GNG7: variants seen among roughly 807,000 people sequenced by gnomAD.
The protein encoded by GNG7 is guanine nucleotide-binding protein G(I)/G(S)/G(O) subunit gamma-7.
Under a neutral mutation model 4.0 loss-of-function variants are expected in GNG7, and 1 was observed. The observed-to-expected ratio is 0.25, with a 90% CI of 0.09 to 1.18. The LOEUF is 1.18. GNG7 is among the 50% of genes most tolerant of loss of function. GNG7 has a pLI of 0.50. For missense variants in GNG7, 86 were observed against 91.9 expected (o/e 0.94, Z 0.26); for synonymous variants, 34 against 36.9 (o/e 0.92, Z 0.29).
In GNG7 at chr19:2,535,583, G is replaced by A. The variant is rs79902108; in HGVS notation, c.-37-14858C>T. Among the ~76,000 whole-genome samples, 183 of 152,176 alleles carry A rather than the reference G, an allele frequency of 1.2e-3. 4 individuals are homozygous for A. The East Asian group carries it at 0.028, about 23-fold the overall frequency. On this transcript the variant is annotated intron_variant, in intron 3 of 4. Coordinates refer to ENST00000382159, the MANE Select transcript of GNG7 (RefSeq NM_052847.3). ...GAGACATTTGCTTGGGGCCTGAAGC[G>A]GGGGCTATGCCTGTCTTTGCAGATG...
At position 2,680,571 on chromosome 19, in the gene GNG7, A is replaced by ATT. The variant is rs967188330; in HGVS notation, c.-135+22073_-135+22074dup. On this transcript the variant is annotated intron_variant, in intron 1 of 4. Transcript: ENST00000382159. ...AAATACACTTAACACAAAATTTACA[A>ATT]TTTTTTTTTTTTTTTTTTTTTGAGA... 3.8e-3 allele frequency among the ~76,000 whole-genome samples: 474 copies of ATT among 125,996 alleles called. 8 individuals carry two copies. Among genetic ancestry groups the ATT allele is most frequent in the Non-Finnish European group, 6.1e-3 (364 of 59,456 alleles). The allele number at this position is 125,996 out of a possible 152,430, so 82.7% of individuals were successfully genotyped here.
intron 1 of GNG7, among the ~76,000 whole-genome samples, chr19:2,682,655 CA>C (rs745799326): frequency 0.049 from 3,137 of 63,992 alleles, 27 homozygotes; most frequent in African/African-American, 0.13. Context: ...GACTCCATCT[CA>C]AAAAAAAAAA....
intron 1 of GNG7, among the ~76,000 whole-genome samples, chr19:2,661,290 G>GAA (rs1167587056): frequency 1.1e-4 from 5 of 47,580 alleles, no homozygotes; most frequent in African/African-American, 3.8e-4. Context: ...AAGAAAGAAA[G>GAA]AAAGAAAGAA....
At chr19:2,565,805 G>A (rs1979888230) in intron 2 of GNG7, among the ~76,000 whole-genome samples, 2 of 152,214 alleles carry the variant, frequency 1.3e-5, no homozygotes, top group Non-Finnish European at 2.9e-5. Context: ...CGTCTGCAGA[G>A]TGTAATGTGC....
chr19:2,690,045 G>A (rs1308884048), intron 1 of GNG7, among the ~76,000 whole-genome samples: 3 of 152,068 alleles, frequency 2.0e-5, no homozygotes, highest in East Asian at 1.9e-4. Flanking sequence ...TTCTTTTGGC[G>A]GCGGGTAGAA....
intron 1 of GNG7, among the ~76,000 whole-genome samples, chr19:2,689,799 A>G (rs1243847264): frequency 6.6e-6 from 1 of 152,044 alleles, no homozygotes; most frequent in African/African-American, 2.4e-5. Flanking sequence ...CAGTTTTCCC[A>G]TGCATAAAGC....
chr19:2,622,079 T>A (rs1295798870), intron 2 of GNG7, among the ~76,000 whole-genome samples: 1 of 148,678 alleles, frequency 6.7e-6, no homozygotes, highest in Non-Finnish European at 1.5e-5. Context: ...TCAACTTTTT[T>A]TTTTTTTCTC....
rs71179906 is a variant in GNG7 at position 2,661,302 on chromosome 19, G to GAGAA, written c.-134-15026_-134-15023dup. 7.8e-3 allele frequency among the ~76,000 whole-genome samples: 572 copies of GAGAA among 73,032 alleles called. 18 individuals carry two copies. The highest frequency in any genetic ancestry group is 0.023 in the Admixed American group (153 of 6,546). The allele number at this position is 73,032 out of a possible 152,430, so 47.9% of individuals were successfully genotyped here. ...AGAAAGAAAGAAAGAAAGAAAGAAA[G>GAGAA]AGAAAGAAAGAAAGAAAGAAAGAAA... On this transcript the variant is annotated intron_variant, in intron 1 of 4. Coordinates refer to ENST00000382159, the MANE Select transcript of GNG7 (RefSeq NM_052847.3).
chr19:2,650,186 T>C (rs1283459283), intron 1 of GNG7, among the ~76,000 whole-genome samples: 3 of 100,616 alleles, frequency 3.0e-5, no homozygotes. Flanking sequence ...TAGGAATCTT[T>C]TTTTTTTTTT....
rs1317995985 is a variant in GNG7 at position 2,557,424 on chromosome 19, G to A, written c.-77-2236C>T. Among the ~76,000 whole-genome samples the A allele has an allele frequency of 6.6e-6, 1 of 152,180 alleles. No homozygotes were observed. The highest frequency in any genetic ancestry group is 1.5e-5 in the Non-Finnish European group (1 of 68,018). On this transcript the variant is annotated intron_variant, in intron 2 of 4. Transcript: ENST00000382159. This position sits in a 1 kb window ranked among gnomAD's most constrained non-coding sequence, Gnocchi z 5.1. ...GCCTCCACCCAGCCCTGCATCTGAAGCAAGGTCCTGCTAGTAAACATGCAC... is the reference window on the plus strand; with the variant it reads ...GCCTCCACCCAGCCCTGCATCTGAAACAAGGTCCTGCTAGTAAACATGCAC...
At chr19:2,531,188 C>T (rs1436263237) in intron 3 of GNG7, among the ~76,000 whole-genome samples, 1 of 129,650 alleles carries the variant, frequency 7.7e-6, no homozygotes, top group Non-Finnish European at 1.6e-5. Context: ...TCTTGTAATC[C>T]CAGCTAGTCA....
chr19:2,624,528 C>CAAAAAAAAAAAAAAAAAAGAAAA (rs1981964920), intron 2 of GNG7, among the ~76,000 whole-genome samples: 1 of 62,472 alleles, frequency 1.6e-5, no homozygotes, highest in Non-Finnish European at 3.5e-5. Flanking sequence ...GACTCCGTCT[C>CAAAAAAAAAAAAAAAAAAGAAAA]AAAAAAAAAA....
chr19:2,648,430 A>G (rs541150096), intron 1 of GNG7, among the ~76,000 whole-genome samples: 2 of 152,324 alleles, frequency 1.3e-5, no homozygotes, highest in African/African-American at 2.4e-5. Flanking sequence ...TGGTGACTTC[A>G]TAAGATGCTA....
At chr19:2,649,008 C>T (rs1426766566) in intron 1 of GNG7, among the ~76,000 whole-genome samples, 2 of 151,756 alleles carry the variant, frequency 1.3e-5, no homozygotes, top group Non-Finnish European at 2.9e-5. Context: ...CCTTCCTCAG[C>T]CTCCTGAGGA....
Position 2,634,700 on chromosome 19 carries a change from C to T in GNG7, c.-78+11524G>A, listed in dbSNP as rs982935719. Among the ~76,000 whole-genome samples the T allele has an allele frequency of 3.9e-5, 6 of 152,092 alleles. No homozygotes were observed. The highest frequency in any genetic ancestry group is 8.8e-5 in the Non-Finnish European group (6 of 68,018). On this transcript the variant is annotated intron_variant, in intron 2 of 4. Transcript: ENST00000382159. The surrounding 1 kb of genome is among the most constrained non-coding windows in gnomAD (Gnocchi z 5.3). ...TATCTTGGCAATTCTTTCAGGGGAA[C>T]AACTTGTCCGCGAAAAGAACTGATA...
chr19:2,612,216 G>A (rs1388205433), intron 2 of GNG7, among the ~76,000 whole-genome samples: 1 of 151,954 alleles, frequency 6.6e-6, no homozygotes, highest in Non-Finnish European at 1.5e-5. Flanking sequence ...TTTGGTCTAC[G>A]GTCTCCCCTG....
rs540133018 is a variant in GNG7 at position 2,691,546 on chromosome 19, A to C, written c.-135+11100T>G. ...GCAACAGAGCAAGACTCTGTCTCAAAAAAAATAAAAATTAAAAAAATAATA... is the reference window on the plus strand; with the variant it reads ...GCAACAGAGCAAGACTCTGTCTCAACAAAAATAAAAATTAAAAAAATAATA... On this transcript the variant is annotated intron_variant, in intron 1 of 4. Transcript: ENST00000382159. Among the ~76,000 whole-genome samples, 3 of 151,884 alleles carry C rather than the reference A, an allele frequency of 2.0e-5. No homozygotes were observed. In the South Asian group the frequency reaches 6.2e-4, roughly 32 times the overall value.
chr19:2,625,239 T>C (rs576729612), intron 2 of GNG7, among the ~76,000 whole-genome samples: 61 of 152,280 alleles, frequency 4.0e-4, no homozygotes, highest in Non-Finnish European at 6.8e-4. Flanking sequence ...CGGCTAATTT[T>C]TAAAAATTTT....
chr19:2,531,942 G>A (rs961044072), intron 3 of GNG7, among the ~76,000 whole-genome samples: 25 of 151,768 alleles, frequency 1.6e-4, no homozygotes, highest in Non-Finnish European at 3.5e-4. Context: ...ATGAGGTCAG[G>A]AGATCAAGAC....
Sources: allele counts gnomAD v4.1 joint callset (sites outside exome capture counted in the v4.1 genomes callset), GRCh38; gene constraint gnomAD v4.1.1; non-coding constraint Gnocchi (gnomAD v3.1); transcripts MANE v1.5; gene names NCBI Gene and HGNC (gene_info 2026-07-23, HGNC 2026-07-21).